Variants in RCBTB1 observed in about 807,000 individuals in gnomAD.
RCBTB1 encodes RCC1 and BTB domain-containing protein 1.
Under a neutral mutation model 62.4 loss-of-function variants are expected in RCBTB1, and 46 were observed. The ratio of observed to expected loss-of-function variants is 0.74; its 90% CI spans 0.58 to 0.94. RCBTB1 has a LOEUF of 0.94. RCBTB1 is among the 40% of genes least tolerant of loss of function. RCBTB1 has a pLI of 0.00. For synonymous variants in RCBTB1, 222 were observed against 245.8 expected (o/e 0.90, Z 0.91); for missense variants, 565 against 654.9 (o/e 0.86, Z 1.50).
chr13:49,549,530 G>A lies in RCBTB1; in HGVS notation c.973C>T (p.His325Tyr), dbSNP rs200826424. The change falls in exon 9 of 13, where the codon CAC (histidine) becomes TAC (tyrosine). Residue 325 changes from histidine to tyrosine, a missense_variant. Transcript: ENST00000378302. ...GQSVILPHLT[H>Y]FSCTDDVFAC... ...AACACGTCGTCGGTGCAGGAGAAGT[G>A]GGTGAGGTGCGGGAGGATCACGGAC... is the stretch of plus-strand genomic sequence containing the variant. The A allele has an allele frequency of 9.4e-5, 151 of 1,613,934 alleles. No individual in the cohort carries two copies. The highest frequency in any genetic ancestry group is 8.4e-5 in the Non-Finnish European group (99 of 1,179,972).
chr13:49,578,064 A>G (rs1022331634), intron 2 of RCBTB1, among the ~76,000 whole-genome samples: 1 of 152,212 alleles, frequency 6.6e-6, no homozygotes, highest in Non-Finnish European at 1.5e-5. Flanking sequence ...GTACTATTGT[A>G]TGCTAATGTG....
At chr13:49,547,153 T>C in intron 9 of RCBTB1, 1 of 1,271,304 alleles carries the variant, frequency 7.9e-7, no homozygotes, top group Non-Finnish European at 1.0e-6. Context: ...AACCAATTAT[T>C]TTCCAATCAC....
At position 49,546,367 on chromosome 13, in the gene RCBTB1, GA is replaced by G. The variant is rs1960787831; in HGVS notation, c.1046-1505del. The G allele has an allele frequency of 9.1e-6, 9 of 985,226 alleles. No homozygotes were observed. The South Asian group carries it at 3.8e-4, about 41-fold the overall frequency. The allele number at this position is 985,226 out of a possible 1,614,324, so 61.0% of individuals were successfully genotyped here. ...CTTTTGACTTTCAGTGGGTGGAAGG[GA>G]AAGAAGTTATCTAGGACAGCAGTCC... is the stretch of plus-strand genomic sequence containing the variant. On this transcript the variant is annotated intron_variant, in intron 9 of 12. Transcript: ENST00000378302.
intron 1 of RCBTB1, among the ~76,000 whole-genome samples, chr13:49,582,021 A>G (rs2137405007): frequency 6.6e-6 from 1 of 152,382 alleles, no homozygotes; most frequent in South Asian, 2.1e-4. Context: ...GTAATCACAG[A>G]ATGTGATAGA....
intron 2 of RCBTB1, among the ~76,000 whole-genome samples, chr13:49,567,829 A>C (rs1381813188): frequency 1.3e-5 from 2 of 152,232 alleles, no homozygotes; most frequent in Admixed American, 1.3e-4. Context: ...AACGCCGTCA[A>C]ATCAGGCTAT....
chr13:49,578,845 A>G (rs1226052346), intron 2 of RCBTB1, among the ~76,000 whole-genome samples: 2 of 152,236 alleles, frequency 1.3e-5, no homozygotes, highest in African/African-American at 4.8e-5. Flanking sequence ...TAAATGTTCC[A>G]TTTGAGCACA....
At chr13:49,551,294 C>A in intron 8 of RCBTB1, 32 bp downstream of exon 8, 2 of 1,610,228 alleles carry the variant, frequency 1.2e-6, no homozygotes, top group South Asian at 1.1e-5. Context: ...ACATCGCACA[C>A]ACAGTCCCAA....
chr13:49,579,205 T>C (rs1241498717), intron 2 of RCBTB1, among the ~76,000 whole-genome samples: 1 of 152,140 alleles, frequency 6.6e-6, no homozygotes, highest in Non-Finnish European at 1.5e-5. Context: ...ACCCACTCTA[T>C]GGTATAAGGG....
At chr13:49,543,356 C>A (rs1311088195) in intron 10 of RCBTB1, among the ~76,000 whole-genome samples, 8 of 152,038 alleles carry the variant, frequency 5.3e-5, no homozygotes, top group African/African-American at 1.7e-4. Flanking sequence ...AAATAGTTGT[C>A]TAAGAAAGAA....
chr13:49,537,512 C>A (rs997758521), intron 12 of RCBTB1, among the ~76,000 whole-genome samples: 6 of 152,206 alleles, frequency 3.9e-5, no homozygotes, highest in Non-Finnish European at 8.8e-5. Flanking sequence ...GAATTAGATT[C>A]CTGGGCTCAC....
Position 49,533,089 on chromosome 13 carries a change from G to A in RCBTB1, c.*1033C>T, listed in dbSNP as rs958258156. On this transcript the variant is annotated 3_prime_UTR_variant, in exon 13 of 13. Transcript: ENST00000378302. ...AAAACCAAAAGTGAAAGATGATAAA[G>A]TTTCACATAAGCCAATGTGTGATGG... The A allele has an allele frequency of 1.3e-4, 17 of 128,834 alleles. No individual in the cohort carries two copies. The highest frequency in any genetic ancestry group is 4.1e-4 in the African/African-American group (15 of 36,610). 8.0% of individuals were successfully genotyped at this position (128,834 alleles called of 1,614,324 possible). A position where few individuals can be genotyped will look rare whatever the true frequency, so the allele number is the denominator to read the frequency against.
intron 5 of RCBTB1, among the ~76,000 whole-genome samples, chr13:49,559,445 A>G (rs1224353892): frequency 3.9e-5 from 6 of 152,174 alleles, no homozygotes; most frequent in Non-Finnish European, 8.8e-5. Context: ...TCACGAGGTC[A>G]GGAGATCGAG....
intron 10 of RCBTB1, among the ~76,000 whole-genome samples, chr13:49,542,105 T>C (rs560089008): frequency 1.9e-4 from 29 of 151,596 alleles, no homozygotes; most frequent in Non-Finnish European, 3.8e-4. Flanking sequence ...TCCCAGCTAC[T>C]CAGGAGGCTG....
Position 49,534,159 on chromosome 13 carries a change from A to G in RCBTB1, c.1559T>C (p.Ile520Thr), listed in dbSNP as rs757261558. The change falls in exon 13 of 13, where the codon ATT becomes ACT. Residue 520 changes from isoleucine to threonine, a missense_variant. Ile to Thr is a moderately conservative substitution (Grantham distance 89). Transcript: ENST00000378302. ...QMDGPLLKEF[I>T]AKASKCGAFK... is the part of the protein sequence containing the mutation. ...GGCTCCACATTTACTGGCTTTAGCA[A>G]TGAATTCCTTTAGCAGAGGGCCATC... The G allele has an allele frequency of 6.2e-7, 1 of 1,614,216 alleles. No homozygotes were observed. The highest frequency in any genetic ancestry group is 1.7e-5 in the Admixed American group (1 of 60,026).
chr13:49,549,337 G>A (rs925673565), intron 9 of RCBTB1, 121 bp downstream of exon 9: 8 of 863,236 alleles, frequency 9.3e-6, no homozygotes, highest in South Asian at 2.2e-5. Flanking sequence ...TTGACGGAAC[G>A]TATGAAAGCT....
chr13:49,550,017 T>C (rs1961190502), intron 8 of RCBTB1: 3 of 627,596 alleles, frequency 4.8e-6, no homozygotes, highest in African/African-American at 2.0e-5. Context: ...TGAGACAGGA[T>C]CTCACTCCGT....
rs370652161 is a variant in RCBTB1, at chr13:49,555,603, C to T, written c.515G>A (p.Arg172Gln). ...AATATGTAAACAGTTTGTAACTTTT[C>T]GAGGAGTTGGTTGATTTGCTGTAGA... ...SGSTANQPTP[R>Q]KVTNCLHIKR... The change falls in exon 6 of 13, where the codon CGA (arginine) becomes CAA (glutamine). Residue 172 changes from arginine (R) to glutamine (Q), a missense_variant. Arg to Gln is a conservative substitution (Grantham distance 43, BLOSUM62 1). Coordinates refer to ENST00000378302, the MANE Select transcript of RCBTB1 (RefSeq NM_018191.4). 8.7e-6 allele frequency: 14 copies of T among 1,613,058 alleles called. No individual in the cohort carries two copies. Among genetic ancestry groups the T allele is most frequent in the African/African-American group, 4.0e-5 (3 of 74,862 alleles).
intron 5 of RCBTB1, among the ~76,000 whole-genome samples, chr13:49,556,935 T>C (rs77080875): frequency 0.016 from 2,471 of 152,304 alleles, 62 homozygotes; most frequent in African/African-American, 0.055. Flanking sequence ...ACTTCTCAAA[T>C]ACATCACATT....
At chr13:49,538,684 T>C (rs898602133) in intron 12 of RCBTB1, among the ~76,000 whole-genome samples, 1 of 151,568 alleles carries the variant, frequency 6.6e-6, no homozygotes, top group Non-Finnish European at 1.5e-5. Context: ...CCACTGTGCT[T>C]CAGCCTGGGC....
Sources: allele counts gnomAD v4.1 joint callset (sites outside exome capture counted in the v4.1 genomes callset), GRCh38; gene constraint gnomAD v4.1.1; transcripts MANE v1.5; gene names NCBI Gene and HGNC (gene_info 2026-07-23, HGNC 2026-07-21).